NTM: variants seen among roughly 807,000 people sequenced by gnomAD.
The protein encoded by NTM is neurotrimin.
In NTM, 13 loss-of-function variants were observed where a neutral mutation model predicts 42.1. The observed-to-expected ratio is 0.31, with a 90% CI of 0.20 to 0.49. The LOEUF is 0.49. NTM is among the 20% of genes least tolerant of loss of function. The pLI is 0.99. For synonymous variants in NTM, 187 were observed against 179.2 expected (o/e 1.04, Z -0.35); for missense variants, 373 against 452.8 (o/e 0.82, Z 1.60).
At chr11:132,134,773 T>C (rs2067561895) in intron 2 of NTM, among the ~76,000 whole-genome samples, 1 of 129,008 alleles carries the variant, frequency 7.8e-6, no homozygotes, top group African/African-American at 2.7e-5. Flanking sequence ...CACATTTTCT[T>C]TATCTATTCA....
intron 4 of NTM, among the ~76,000 whole-genome samples, chr11:132,289,792 C>T (rs891276973): frequency 6.6e-6 from 1 of 152,206 alleles, no homozygotes; most frequent in Non-Finnish European, 1.5e-5. Flanking sequence ...ACTGCAGCGT[C>T]AGCACTGAGG....
intron 1 of NTM, among the ~76,000 whole-genome samples, chr11:131,668,830 G>T (rs1243770992): frequency 6.6e-6 from 1 of 152,202 alleles, no homozygotes; most frequent in Non-Finnish European, 1.5e-5. Context: ...TATAAAGCCA[G>T]GGTGGAAATG....
intron 2 of NTM, among the ~76,000 whole-genome samples, chr11:132,100,812 T>G (rs1314065803): frequency 6.6e-6 from 1 of 152,172 alleles, no homozygotes; most frequent in African/African-American, 2.4e-5. Flanking sequence ...CTATCAGCTG[T>G]GATTTAATGA....
intron 1 of NTM, among the ~76,000 whole-genome samples, chr11:131,528,044 T>C (rs1236025918): frequency 6.6e-6 from 1 of 152,226 alleles, no homozygotes; most frequent in Non-Finnish European, 1.5e-5. Flanking sequence ...GCTCAACTGG[T>C]ATAATGCAAA....
intron 1 of NTM, among the ~76,000 whole-genome samples, chr11:131,765,337 C>G (rs988524275): frequency 8.5e-5 from 13 of 152,184 alleles, no homozygotes; most frequent in Non-Finnish European, 1.9e-4. Flanking sequence ...TCAAACTCCC[C>G]TCCTCTCACT....
intron 3 of NTM, among the ~76,000 whole-genome samples, chr11:132,162,186 G>GCAGTGTGTATGT (rs1352444231): frequency 1.3e-5 from 1 of 76,800 alleles, no homozygotes; most frequent in Non-Finnish European, 2.4e-5. Context: ...TGTTTTGGGG[G>GCAGTGTGTATGT]GAGTGTGTAT....
At chr11:132,153,485 G>A (rs189220981) in intron 3 of NTM, among the ~76,000 whole-genome samples, 242 of 152,134 alleles carry the variant, frequency 1.6e-3, no homozygotes, top group African/African-American at 5.2e-3. Flanking sequence ...CCTCATTACC[G>A]TATTCCTAAT....
At chr11:131,945,741 C>T (rs2060269931) in intron 2 of NTM, among the ~76,000 whole-genome samples, 1 of 152,196 alleles carries the variant, frequency 6.6e-6, no homozygotes, top group African/African-American at 2.4e-5. Flanking sequence ...CTCTCGCTGA[C>T]ATTCCTGCAC....
chr11:131,945,816 C>T (rs896376375), intron 2 of NTM, among the ~76,000 whole-genome samples: 2 of 152,148 alleles, frequency 1.3e-5, no homozygotes, highest in Non-Finnish European at 2.9e-5. Context: ...TCTGATGGCT[C>T]CATTCAGGAA....
At chr11:131,428,096 A>T (rs1230385816) in intron 1 of NTM, among the ~76,000 whole-genome samples, 1 of 152,204 alleles carries the variant, frequency 6.6e-6, no homozygotes, top group African/African-American at 2.4e-5. Flanking sequence ...CCCATTAAAC[A>T]TGTGGACTTG....
chr11:131,994,688 C>T (rs1043400089), intron 2 of NTM, among the ~76,000 whole-genome samples: 1 of 152,114 alleles, frequency 6.6e-6, no homozygotes, highest in Admixed American at 6.5e-5. Context: ...TATTTCATCC[C>T]ACTTCAGTAA....
chr11:132,329,455 G>A (rs907363182), intron 7 of NTM, among the ~76,000 whole-genome samples: 1 of 152,214 alleles, frequency 6.6e-6, no homozygotes, highest in East Asian at 1.9e-4. Context: ...CTACAGGGAG[G>A]TCCCAGCAAG....
In NTM at chr11:132,102,739, G is replaced by A. The variant is rs1341041431; in HGVS notation, c.168-43543G>A. On this transcript the variant is annotated intron_variant, in intron 2 of 8. Transcript: ENST00000683400. ...AGATCACCCATTTGCATAACTTTTC[G>A]GAAGGATGCTTCCTGAGGGGAGAGA... Among the ~76,000 whole-genome samples the A allele has an allele frequency of 9.2e-5, 14 of 152,006 alleles. 1 individual carries two copies. Among genetic ancestry groups the A allele is most frequent in the Admixed American group, 9.2e-4 (14 of 15,268 alleles).
chr11:131,958,795 C>A (rs2061822744), intron 2 of NTM, among the ~76,000 whole-genome samples: 1 of 152,146 alleles, frequency 6.6e-6, no homozygotes, highest in Non-Finnish European at 1.5e-5. Context: ...CTCGCGAGTT[C>A]TTGCCCTGTA....
chr11:132,026,630 G>C lies in NTM; in HGVS notation c.167+114982G>C, dbSNP rs529850657. Among the ~76,000 whole-genome samples, 4 of 152,272 alleles carry C rather than the reference G, an allele frequency of 2.6e-5. No individual in the cohort carries two copies. The South Asian group carries it at 8.3e-4, about 32-fold the overall frequency. ...TAGTGTGTGTTGGTGAGTGTTACTA[G>C]GTTCCAATGCTGACAATTCACAGAT... On this transcript the variant is annotated intron_variant, in intron 2 of 8. Coordinates refer to ENST00000683400, the MANE Select transcript of NTM (RefSeq NM_001352005.2).
rs554832784 is a variant in NTM, at chr11:132,020,823, G to T, written c.167+109175G>T. On this transcript the variant is annotated intron_variant, in intron 2 of 8. Transcript: ENST00000683400. ...ATCAATTAATTTTTCTTATATGGTT[G>T]TTTTATTTTTTTCTTTGGTTCCAAA... 2.0e-4 allele frequency among the ~76,000 whole-genome samples: 31 copies of T among 151,976 alleles called. No individual in the cohort carries two copies. The South Asian group carries it at 5.8e-3, about 28-fold the overall frequency.
intron 2 of NTM, among the ~76,000 whole-genome samples, chr11:132,074,043 A>C (rs2058050392): frequency 6.6e-6 from 1 of 152,200 alleles, no homozygotes; most frequent in Non-Finnish European, 1.5e-5. Flanking sequence ...TGAGTCTTGA[A>C]ATGTCACAGA....
rs533946995 is a variant in NTM at position 132,141,310 on chromosome 11, T to A, written c.168-4972T>A. Among the ~76,000 whole-genome samples, 6 of 151,958 alleles carry A rather than the reference T, an allele frequency of 3.9e-5. No individual in the cohort carries two copies. The South Asian group carries it at 1.3e-3, about 32-fold the overall frequency. ...TCTCTTTCTCTTTTCTCATCCTAAATCCAAAAGTAGCTTCAGGACCTGAGT... is the reference window on the plus strand; with the variant it reads ...TCTCTTTCTCTTTTCTCATCCTAAAACCAAAAGTAGCTTCAGGACCTGAGT... On this transcript the variant is annotated intron_variant, in intron 2 of 8. Transcript: ENST00000683400.
At chr11:131,840,225 G>C (rs1468469480) in intron 1 of NTM, among the ~76,000 whole-genome samples, 1 of 152,230 alleles carries the variant, frequency 6.6e-6, no homozygotes. Context: ...CCCCAAGGAA[G>C]TGAATGGGAA....
Sources: gnomAD v4.1 joint callset for allele counts (sites outside exome capture counted in the v4.1 genomes callset) on GRCh38, gnomAD v4.1.1 for gene constraint, MANE v1.5 for transcripts, NCBI Gene and HGNC (gene_info 2026-07-23, HGNC 2026-07-21) for gene names.